FRAS1: variants seen among roughly 807,000 people sequenced by gnomAD.
The protein encoded by FRAS1 is extracellular matrix organizing protein FRAS1.
Under a neutral mutation model 435.2 loss-of-function variants are expected in FRAS1, and 290 were observed. The ratio of observed to expected loss-of-function variants is 0.67; its 90% CI spans 0.61 to 0.73. The LOEUF (loss-of-function observed/expected upper bound fraction) is 0.73. Ranked by LOEUF, FRAS1 falls within the 30% of genes least tolerant of loss-of-function variation. The pLI is 0.00. For missense variants in FRAS1, 4,860 were observed against 5,001.5 expected (o/e 0.97, Z 0.85); for synonymous variants, 1,800 against 1,851.0 (o/e 0.97, Z 0.71).
intron 1 of FRAS1, among the ~76,000 whole-genome samples, chr4:78,065,244 CAT>C (rs928769099): frequency 5.5e-5 from 8 of 146,368 alleles, no homozygotes; most frequent in Non-Finnish European, 1.0e-4. Flanking sequence ...AGTGGGTATA[CAT>C]GTGTATATAT....
intron 41 of FRAS1, among the ~76,000 whole-genome samples, chr4:78,443,355 C>G (rs1734735385): frequency 2.0e-5 from 3 of 152,078 alleles, no homozygotes; most frequent in Non-Finnish European, 4.4e-5. Flanking sequence ...GAAACCGTAC[C>G]TCAAAAAAGA....
At chr4:78,528,988 C>T (rs1721630285) in intron 70 of FRAS1, among the ~76,000 whole-genome samples, 1 of 151,978 alleles carries the variant, frequency 6.6e-6, no homozygotes, top group South Asian at 2.1e-4. Context: ...AAGAGAGGAG[C>T]TGGAAAGACA....
At chr4:78,079,310 A>C (rs1449221951) in intron 2 of FRAS1, among the ~76,000 whole-genome samples, 1 of 152,188 alleles carries the variant, frequency 6.6e-6, no homozygotes, top group Non-Finnish European at 1.5e-5. Flanking sequence ...ACAGAAGTTG[A>C]AAGAGTGAAG....
intron 29 of FRAS1, among the ~76,000 whole-genome samples, chr4:78,393,895 T>A (rs1732548375): frequency 6.6e-6 from 1 of 152,020 alleles, no homozygotes; most frequent in Non-Finnish European, 1.5e-5. Flanking sequence ...TTTCTCCAAA[T>A]CCTCTCTAAC....
Position 78,481,979 on chromosome 4 carries a change from G to T in FRAS1, c.8604+15G>T, listed in dbSNP as rs778793251. ...TCATTGAACAGGTGCGTTTACAGCA[G>T]TCGAGACTCCACAAAGTTGACAGGT... On this transcript the variant is annotated intron_variant, in intron 57 of 73. Coordinates refer to ENST00000512123, the MANE Select transcript of FRAS1 (RefSeq NM_025074.7). The T allele has an allele frequency of 6.2e-7, 1 of 1,608,518 alleles. No individual in the cohort carries two copies. Among genetic ancestry groups the T allele is most frequent in the African/African-American group, 1.3e-5 (1 of 74,496 alleles).
chr4:78,485,509 C>T (rs1458831826), intron 58 of FRAS1, among the ~76,000 whole-genome samples: 1 of 152,150 alleles, frequency 6.6e-6, no homozygotes, highest in Non-Finnish European at 1.5e-5. Flanking sequence ...TAATCAATAA[C>T]TTATCCCAGA....
chr4:78,482,651 T>C, intron 58 of FRAS1, 116 bp downstream of exon 58: 1 of 1,092,630 alleles, frequency 9.2e-7, no homozygotes, highest in African/African-American at 1.6e-5. Flanking sequence ...TATGTGTGTG[T>C]AGATGTGTAT....
At chr4:78,158,058 G>C (rs1194081830) in intron 2 of FRAS1, among the ~76,000 whole-genome samples, 3 of 152,106 alleles carry the variant, frequency 2.0e-5, no homozygotes. Flanking sequence ...GTACCAGCAT[G>C]GTACTGGTTA....
chr4:78,451,161 G>A (rs1050053492), intron 45 of FRAS1, among the ~76,000 whole-genome samples: 1 of 152,130 alleles, frequency 6.6e-6, no homozygotes, highest in Non-Finnish European at 1.5e-5. Flanking sequence ...TCTTCCCAGA[G>A]ATTTGGTTAT....
At chr4:78,309,015 G>C (rs913847447) in intron 15 of FRAS1, among the ~76,000 whole-genome samples, 7 of 152,146 alleles carry the variant, frequency 4.6e-5, no homozygotes, top group Non-Finnish European at 1.0e-4. Context: ...GATTATCTGG[G>C]TAAGCCCCAT....
In FRAS1 at chr4:78,318,829, G is replaced by C; in HGVS notation, c.1980G>C (p.Leu660=). ...TTGCAGCCTGTCACTCCTCCTGCCTGGCTTGTATGGGTCCCGCACCCTCTC... is the reference window on the plus strand; with the variant it reads ...TTGCAGCCTGTCACTCCTCCTGCCTCGCTTGTATGGGTCCCGCACCCTCTC... ...GVCKACHSSC[L]ACMGPAPSHC... Residue 660 remains leucine (L), a synonymous_variant, in exon 18 of 74, where the codon CTG becomes CTC. Transcript: ENST00000512123. 2 of 1,590,648 alleles carry C rather than the reference G, an allele frequency of 1.3e-6. No homozygotes were observed. The highest frequency in any genetic ancestry group is 1.7e-6 in the Non-Finnish European group (2 of 1,166,556).
chr4:78,288,279 C>A (rs1169056925), intron 14 of FRAS1, among the ~76,000 whole-genome samples: 1 of 152,176 alleles, frequency 6.6e-6, no homozygotes, highest in African/African-American at 2.4e-5. Flanking sequence ...TTACTCCTTT[C>A]TTTTATCCCA....
At chr4:78,268,950 C>T (rs1726509950) in intron 9 of FRAS1, among the ~76,000 whole-genome samples, 1 of 152,216 alleles carries the variant, frequency 6.6e-6, no homozygotes, top group Non-Finnish European at 1.5e-5. Flanking sequence ...TGATGCCTCA[C>T]CTATTTCTCC....
At chr4:78,457,162 C>T (rs1170168576) in intron 47 of FRAS1, among the ~76,000 whole-genome samples, 1 of 152,152 alleles carries the variant, frequency 6.6e-6, no homozygotes, top group Non-Finnish European at 1.5e-5. Context: ...TTTAGAGACC[C>T]ATTAAAAGGC....
At chr4:78,383,794 G>A (rs953854540) in intron 27 of FRAS1, among the ~76,000 whole-genome samples, 3 of 152,046 alleles carry the variant, frequency 2.0e-5, no homozygotes, top group African/African-American at 7.2e-5. Context: ...CCTTTATTCA[G>A]TTTAGAAAGA....
rs372822201 is a variant in FRAS1, at chr4:78,496,825, T to C, written c.8979T>C (p.Tyr2993=). 105 of 1,613,772 alleles carry C rather than the reference T, an allele frequency of 6.5e-5. 1 individual carries two copies. The East Asian group carries it at 8.0e-4, about 12-fold the overall frequency. Reference sequence around the variant, plus strand: ...TCTAGGTGAAGAACTGTACGGTCTATATCCACGATGACTCCATGTTTGAGC... The same window carrying C: ...TCTAGGTGAAGAACTGTACGGTCTACATCCACGATGACTCCATGTTTGAGC... ...KGDKVKNCTV[Y]IHDDSMFEPE... The change falls in exon 60 of 74, where the codon TAT becomes TAC. Residue 2993 remains tyrosine (Y), a synonymous_variant. Transcript: ENST00000512123.
chr4:78,196,958 A>T (rs943496341), intron 2 of FRAS1, among the ~76,000 whole-genome samples: 9 of 152,326 alleles, frequency 5.9e-5, no homozygotes, highest in Admixed American at 2.6e-4. Context: ...GCAGGGAAGT[A>T]TGAAAAACAA....
intron 20 of FRAS1, among the ~76,000 whole-genome samples, chr4:78,341,120 TG>T (rs67984881): frequency 0.1 from 15,537 of 152,130 alleles, 875 homozygotes; most frequent in African/African-American, 0.15. Context: ...TGTGTGTATG[TG>T]AGTGTGTGGA....
chr4:78,121,153 G>A (rs1265509809), intron 2 of FRAS1, among the ~76,000 whole-genome samples: 1 of 152,082 alleles, frequency 6.6e-6, no homozygotes, highest in Non-Finnish European at 1.5e-5. Flanking sequence ...TATTCCAGCG[G>A]TAAGCCTGAT....
Sources: gnomAD v4.1 joint callset for allele counts (sites outside exome capture counted in the v4.1 genomes callset) on GRCh38, gnomAD v4.1.1 for gene constraint, MANE v1.5 for transcripts, NCBI Gene and HGNC (gene_info 2026-07-23, HGNC 2026-07-21) for gene names.